ROBO1: variants seen among roughly 807,000 people sequenced by gnomAD.
ROBO1 encodes the protein roundabout guidance receptor 1, also known as roundabout homolog 1.
ROBO1 carries 149 observed loss-of-function variants against 195.9 expected under a neutral mutation model. That is an observed-to-expected ratio of 0.76 (90% CI 0.67 to 0.87). The LOEUF (loss-of-function observed/expected upper bound fraction) is 0.87, where lower values mean the gene tolerates loss of function less well. Ranked by LOEUF, ROBO1 falls within the 40% of genes least tolerant of loss-of-function variation. The pLI is 0.00. For missense variants in ROBO1, 1,933 were observed against 2,068.3 expected (o/e 0.93, Z 1.27); for synonymous variants, 816 against 733.2 (o/e 1.11, Z -1.82).
chr3:79,694,595 T>A (rs1241810117), intron 1 of ROBO1, among the ~76,000 whole-genome samples: 1 of 151,832 alleles, frequency 6.6e-6, no homozygotes, highest in Admixed American at 6.6e-5. Flanking sequence ...AGGTTAATTT[T>A]AAATGTTACC....
chr3:78,795,464 A>AAG (rs1266363469), intron 4 of ROBO1, among the ~76,000 whole-genome samples: 8 of 151,622 alleles, frequency 5.3e-5, no homozygotes, highest in African/African-American at 1.9e-4. Context: ...GAACAACACT[A>AAG]AGAAAGGGAA....
At chr3:78,930,548 T>C (rs2039459779) in intron 4 of ROBO1, among the ~76,000 whole-genome samples, 1 of 152,232 alleles carries the variant, frequency 6.6e-6, no homozygotes, top group Non-Finnish European at 1.5e-5. Context: ...CAAACCGCTA[T>C]AAGCCATTTT....
At chr3:79,540,276 A>G (rs958506582) in intron 2 of ROBO1, among the ~76,000 whole-genome samples, 3 of 152,094 alleles carry the variant, frequency 2.0e-5, no homozygotes. Flanking sequence ...ATATAGAAGG[A>G]CATTTATAGT....
At chr3:79,299,306 A>G (rs950376382) in intron 2 of ROBO1, among the ~76,000 whole-genome samples, 4 of 152,210 alleles carry the variant, frequency 2.6e-5, no homozygotes, top group African/African-American at 4.8e-5. Flanking sequence ...TGCAACATTA[A>G]CTAGAGTGTA....
chr3:79,762,867 G>A (rs1704786492), intron 1 of ROBO1, among the ~76,000 whole-genome samples: 1 of 152,106 alleles, frequency 6.6e-6, no homozygotes, highest in South Asian at 2.1e-4. Context: ...TTGGAGGGCA[G>A]GCCCATGAGG....
chr3:78,938,642 A>C lies in ROBO1; in HGVS notation c.458T>G (p.Leu153Arg), dbSNP rs771571937. 2 of 1,613,804 alleles carry C rather than the reference A, an allele frequency of 1.2e-6. No homozygotes were observed. Among genetic ancestry groups the C allele is most frequent in the Non-Finnish European group, 1.7e-6 (2 of 1,179,742 alleles). Reference protein sequence around the residue: ...GVYVCVARNYLGEAVSHNASL... With the variant: ...GVYVCVARNYRGEAVSHNASL... ...TGCATTGTGGCTCACAGCCTCTCCAAGGTAATTCCTTGCTACACAGACATA... is the reference window on the plus strand; with the variant it reads ...TGCATTGTGGCTCACAGCCTCTCCACGGTAATTCCTTGCTACACAGACATA... The change falls in exon 4 of 31, where the codon CTT (leucine) becomes CGT (arginine). Residue 153 changes from leucine (L) to arginine (R), a missense_variant. Around this residue, in one of 3 missense-constraint regions of ROBO1, gnomAD observed 1,737 missense variants for 1,882.5 expected, o/e 0.92. Transcript: ENST00000464233.
intron 1 of ROBO1, among the ~76,000 whole-genome samples, chr3:79,697,962 A>G (rs1947496100): frequency 6.6e-6 from 1 of 151,556 alleles, no homozygotes; most frequent in African/African-American, 2.4e-5. Flanking sequence ...TTTTTAAAAC[A>G]TAAATTAAAA....
intron 2 of ROBO1, among the ~76,000 whole-genome samples, chr3:79,535,480 A>G (rs1032097226): frequency 6.6e-6 from 1 of 152,162 alleles, no homozygotes; most frequent in African/African-American, 2.4e-5. Flanking sequence ...TGTGGTAGGC[A>G]CTGCTAGTGC....
intron 4 of ROBO1, among the ~76,000 whole-genome samples, chr3:78,764,163 G>C (rs2083172799): frequency 6.6e-6 from 1 of 152,070 alleles, no homozygotes; most frequent in South Asian, 2.1e-4. Flanking sequence ...ATGAGAGAGA[G>C]AAAAGATAAG....
chr3:79,181,554 A>G (rs1055569166), intron 2 of ROBO1, among the ~76,000 whole-genome samples: 1 of 152,132 alleles, frequency 6.6e-6, no homozygotes, highest in African/African-American at 2.4e-5. Context: ...AAACTCTTAC[A>G]CTAACTCTTT....
intron 3 of ROBO1, among the ~76,000 whole-genome samples, chr3:78,961,686 T>C (rs932993268): frequency 6.6e-6 from 1 of 152,202 alleles, no homozygotes; most frequent in Non-Finnish European, 1.5e-5. Context: ...TTCAGACTCC[T>C]ACAGTCTGTT....
intron 2 of ROBO1, among the ~76,000 whole-genome samples, chr3:79,201,052 T>C (rs1041566951): frequency 1.3e-5 from 2 of 151,942 alleles, no homozygotes; most frequent in African/African-American, 2.4e-5. Context: ...AATTCCTACA[T>C]TGTTAATATG....
At chr3:79,280,693 C>G (rs1472962351) in intron 2 of ROBO1, among the ~76,000 whole-genome samples, 3 of 152,108 alleles carry the variant, frequency 2.0e-5, no homozygotes, top group Admixed American at 2.0e-4. Flanking sequence ...CCACTGACAT[C>G]GGGCAGGAGA....
intron 28 of ROBO1, chr3:78,607,310 G>T (rs1198473074): frequency 2.7e-6 from 1 of 371,616 alleles, no homozygotes; most frequent in Non-Finnish European, 4.9e-6. Flanking sequence ...CCTCCTGGGT[G>T]CGAGCAATCC....
At chr3:79,330,086 G>T (rs1272668325) in intron 2 of ROBO1, among the ~76,000 whole-genome samples, 2 of 151,598 alleles carry the variant, frequency 1.3e-5, no homozygotes, top group South Asian at 2.1e-4. Flanking sequence ...ATTTAAAAGG[G>T]TGATCTAACT....
In ROBO1 at chr3:79,753,865, G is replaced by A. The variant is rs140743553; in HGVS notation, c.-51+13887C>T. Among the ~76,000 whole-genome samples, 806 of 152,250 alleles carry A rather than the reference G, an allele frequency of 5.3e-3. 4 individuals are homozygous for A. Among genetic ancestry groups the A allele is most frequent in the African/African-American group, 0.019 (773 of 41,544 alleles). ...TAAAATGATGCAAAAATTTGAAATAGGATGAAGTCTGAAGCTAGACTGTTG... is the reference window on the plus strand; with the variant it reads ...TAAAATGATGCAAAAATTTGAAATAAGATGAAGTCTGAAGCTAGACTGTTG... On this transcript the variant is annotated intron_variant, in intron 1 of 30. Transcript: ENST00000464233.
chr3:79,139,508 G>C (rs1348310142), intron 2 of ROBO1, among the ~76,000 whole-genome samples: 1 of 152,124 alleles, frequency 6.6e-6, no homozygotes, highest in Non-Finnish European at 1.5e-5. Flanking sequence ...GTTTAAGAAA[G>C]TCATGGAGGT....
At chr3:78,713,569 G>GA (rs1224992991) in intron 8 of ROBO1, among the ~76,000 whole-genome samples, 16 of 148,686 alleles carry the variant, frequency 1.1e-4, no homozygotes, top group South Asian at 6.4e-4. Flanking sequence ...CACTTAAAAA[G>GA]AAAAAAAAAT....
At chr3:78,639,429 G>A (rs1404673861) in intron 22 of ROBO1, among the ~76,000 whole-genome samples, 3 of 152,172 alleles carry the variant, frequency 2.0e-5, no homozygotes, top group Non-Finnish European at 4.4e-5. Flanking sequence ...GCATCAGAGT[G>A]AGATTCTGTC....
Sources: gnomAD v4.1 joint callset for allele counts (sites outside exome capture counted in the v4.1 genomes callset) on GRCh38, gnomAD v4.1.1 for gene constraint, gnomAD v4.1.1 regional missense constraint, MANE v1.5 for transcripts, NCBI Gene and HGNC (gene_info 2026-07-23, HGNC 2026-07-21) for gene names.